SLC14A2: variants seen among roughly 807,000 people sequenced by gnomAD.
SLC14A2 encodes solute carrier family 14 member 2, also known as urea transporter 2.
Under a neutral mutation model 104.6 loss-of-function variants are expected in SLC14A2, and 91 were observed. The observed-to-expected ratio is 0.87, with a 90% CI of 0.73 to 1.04. The LOEUF (loss-of-function observed/expected upper bound fraction) is 1.04. SLC14A2 is among the 50% of genes least tolerant of loss of function. The probability of loss-of-function intolerance (pLI) is 0.00; values close to 1 mark genes in which losing one functional copy is unlikely to be tolerated. For missense variants in SLC14A2, 1,189 were observed against 1,156.0 expected (o/e 1.03, Z -0.41); for synonymous variants, 476 against 466.4 (o/e 1.02, Z -0.27).
intron 1 of SLC14A2, among the ~76,000 whole-genome samples, chr18:45,425,401 C>T (rs1210748656): frequency 1.3e-5 from 2 of 152,218 alleles, no homozygotes; most frequent in Non-Finnish European, 2.9e-5. Context: ...ATGCCATCCA[C>T]CCTACCAGTG....
At chr18:45,490,386 A>T (rs2087699745) in intron 2 of SLC14A2, among the ~76,000 whole-genome samples, 1 of 152,214 alleles carries the variant, frequency 6.6e-6, no homozygotes, top group Admixed American at 6.5e-5. Flanking sequence ...GTGTCACAGA[A>T]ATTGGCTCTT....
rs140802929 is a variant in SLC14A2 at position 45,597,664 on chromosome 18, G to A, written c.-34-26967G>A. 1.8e-3 allele frequency among the ~76,000 whole-genome samples: 267 copies of A among 152,292 alleles called. 2 individuals carry two copies. The highest frequency in any genetic ancestry group is 6.2e-3 in the African/African-American group (258 of 41,562). ...CTGAGTGAGCTGGGAGGTCCCTGCA[G>A]AGGTTTTGAGCAGGAGAGGGACTCT... On this transcript the variant is annotated intron_variant, in intron 2 of 20. Coordinates refer to the SLC14A2 transcript ENST00000586448.
At chr18:45,352,075 G>A (rs779513945) in intron 1 of SLC14A2, among the ~76,000 whole-genome samples, 14 of 152,026 alleles carry the variant, frequency 9.2e-5, no homozygotes, top group South Asian at 2.1e-4. Flanking sequence ...TGTGGTGGGG[G>A]CTTGCTGCAC....
chr18:45,181,548 T>G, the SLC14A2 span, among the ~76,000 whole-genome samples: 1 of 152,170 alleles, frequency 6.6e-6, no homozygotes, highest in East Asian at 1.9e-4. Flanking sequence ...CTTCCAAACC[T>G]GCTTTTATCA....
At chr18:45,399,866 T>G (rs2086076767) in intron 1 of SLC14A2, among the ~76,000 whole-genome samples, 2 of 151,978 alleles carry the variant, frequency 1.3e-5, no homozygotes. Flanking sequence ...AGCCACCCCA[T>G]CAACCCCCTC....
At chr18:45,346,682 C>G (rs1244499394) in intron 1 of SLC14A2, among the ~76,000 whole-genome samples, 1 of 152,090 alleles carries the variant, frequency 6.6e-6, no homozygotes, top group Non-Finnish European at 1.5e-5. Flanking sequence ...AATCCTAGCA[C>G]TTTGAGAGGC....
intron 1 of SLC14A2, among the ~76,000 whole-genome samples, chr18:45,265,291 GA>G (rs1243798200): frequency 6.6e-6 from 1 of 152,116 alleles, no homozygotes; most frequent in Non-Finnish European, 1.5e-5. Context: ...GCCAAACCAA[GA>G]CCAACGGGCA....
chr18:45,267,324 C>A lies in SLC14A2; in HGVS notation c.-125+54133C>A, dbSNP rs1229601007. 2.0e-5 allele frequency among the ~76,000 whole-genome samples: 3 copies of A among 152,072 alleles called. 1 individual carries two copies. In the East Asian group the frequency reaches 5.8e-4, roughly 29 times the overall value. ...ACCTCTTAGTCTCCATGCTCTGCGG[C>A]CTCATTTGATAACTCCACAACATTT... is the stretch of plus-strand genomic sequence containing the variant. On this transcript the variant is annotated intron_variant, in intron 1 of 20. Coordinates refer to the SLC14A2 transcript ENST00000586448.
Position 45,625,844 on chromosome 18 carries a change from G to A in SLC14A2, c.312G>A (p.Glu104=), listed in dbSNP as rs749241070. 2 of 1,489,142 alleles carry A rather than the reference G, an allele frequency of 1.3e-6. No individual in the cohort carries two copies. The highest frequency in any genetic ancestry group is 1.8e-6 in the Non-Finnish European group (2 of 1,121,858). The allele number at this position is 1,489,142 out of a possible 1,614,324, so 92.2% of individuals were successfully genotyped here. ...AVGYLTGDMK[E]YRIWLKDKHL... ...GCTACCTCACGGGCGACATGAAGGA[G>A]TACAGGATCTGGCTGAAAGGTAGGA... The change falls in exon 3 of 20, where the codon GAG becomes GAA. Residue 104 remains glutamate (E), a synonymous_variant. Coordinates refer to ENST00000255226, the MANE Select transcript of SLC14A2 (RefSeq NM_007163.4).
chr18:45,511,498 G>T (rs2043365118), intron 2 of SLC14A2, among the ~76,000 whole-genome samples: 1 of 151,856 alleles, frequency 6.6e-6, no homozygotes, highest in African/African-American at 2.4e-5. Context: ...CCCTTCCCTG[G>T]GCTCACTCCC....
chr18:45,293,613 G>A (rs905856562), intron 1 of SLC14A2, among the ~76,000 whole-genome samples: 1 of 151,418 alleles, frequency 6.6e-6, no homozygotes, highest in African/African-American at 2.4e-5. Context: ...TCCTATTCAG[G>A]CCACACAAGT....
chr18:45,197,410 A>G, the SLC14A2 span, among the ~76,000 whole-genome samples: 1 of 152,214 alleles, frequency 6.6e-6, no homozygotes, highest in East Asian at 1.9e-4. Flanking sequence ...AGAGCCTATC[A>G]GTATCAGTCA....
intron 2 of SLC14A2, among the ~76,000 whole-genome samples, chr18:45,517,012 G>T (rs1244691049): frequency 1.3e-5 from 2 of 152,196 alleles, no homozygotes; most frequent in Non-Finnish European, 2.9e-5. Flanking sequence ...CTCTCTCCAG[G>T]CTCTCACTGT....
At chr18:45,645,321 A>AT (rs747226057) in intron 10 of SLC14A2, among the ~76,000 whole-genome samples, 1 of 152,128 alleles carries the variant, frequency 6.6e-6, no homozygotes, top group Non-Finnish European at 1.5e-5. Flanking sequence ...GTGTCTTTAC[A>AT]ATAGAATGAT....
chr18:45,559,483 G>A (rs2044175387), intron 2 of SLC14A2, among the ~76,000 whole-genome samples: 1 of 152,162 alleles, frequency 6.6e-6, no homozygotes, highest in Non-Finnish European at 1.5e-5. Context: ...CAAAGTAGGA[G>A]AGATCACCAG....
At chr18:45,429,396 T>C (rs1027837130) in intron 1 of SLC14A2, among the ~76,000 whole-genome samples, 4 of 152,164 alleles carry the variant, frequency 2.6e-5, no homozygotes, top group African/African-American at 9.6e-5. Context: ...GCAAAATGAT[T>C]TGAGAGGCAT....
At chr18:45,203,613 C>T in the SLC14A2 span, among the ~76,000 whole-genome samples, 3 of 152,116 alleles carry the variant, frequency 2.0e-5, no homozygotes, top group East Asian at 5.8e-4. Context: ...AGATAATTTG[C>T]AAGCCTTTTG....
intron 10 of SLC14A2, among the ~76,000 whole-genome samples, chr18:45,653,367 C>T (rs548991216): frequency 1.3e-5 from 2 of 152,208 alleles, no homozygotes; most frequent in East Asian, 3.9e-4. Context: ...GGGCCTTTGA[C>T]GTCAGTGGGG....
intron 1 of SLC14A2, among the ~76,000 whole-genome samples, chr18:45,343,053 A>G (rs9945842): frequency 0.015 from 2,252 of 152,254 alleles, 45 homozygotes; most frequent in African/African-American, 0.052. Flanking sequence ...GCGGGAGGCC[A>G]GAAAACTGGA....
Sources: allele counts gnomAD v4.1 joint callset (sites outside exome capture counted in the v4.1 genomes callset), GRCh38; gene constraint gnomAD v4.1.1; transcripts MANE v1.5; gene names NCBI Gene and HGNC (gene_info 2026-07-23, HGNC 2026-07-21).